OR52N5: variants seen among roughly 807,000 people sequenced by gnomAD.
OR52N5 encodes the protein olfactory receptor family 52 subfamily N member 5.
In OR52N5, 10 loss-of-function variants were observed where a neutral mutation model predicts 14.1. The observed-to-expected ratio is 0.71, with a 90% CI of 0.44 to 1.20. OR52N5 has a LOEUF of 1.20. Among genes scored for constraint, OR52N5 ranks in the 50% most tolerant of loss-of-function variants. The pLI is 0.00. For missense variants in OR52N5, 361 were observed against 403.2 expected (o/e 0.90, Z 0.90); for synonymous variants, 116 against 143.0 (o/e 0.81, Z 1.35).
chr11:5,777,435 T>A lies in OR52N5; in HGVS notation c.*225A>T. The A allele has an allele frequency of 3.3e-6, 1 of 303,430 alleles. No individual in the cohort carries two copies. The highest frequency in any genetic ancestry group is 9.7e-5 in the South Asian group (1 of 10,310). The allele number at this position is 303,430 out of a possible 1,614,324, so 18.8% of individuals were successfully genotyped here. On this transcript the variant is annotated 3_prime_UTR_variant, in exon 3 of 3. Transcript: ENST00000641181. ...TATGTGTCAATTTAAATAAATTGAG[T>A]TAAACTCATTTTTTAAAAACTGGCA...
In OR52N5 at chr11:5,778,762, A is replaced by G. The variant is rs752756511; in HGVS notation, c.-23-105T>C. Reference sequence around the variant, plus strand: ...TTTATAATGGCACCAACAATTATACATAAGTGACTATGAAAATATACAATG... The same window carrying G: ...TTTATAATGGCACCAACAATTATACGTAAGTGACTATGAAAATATACAATG... On this transcript the variant is annotated intron_variant, in intron 2 of 2. Transcript: ENST00000641181. 16 of 587,766 alleles carry G rather than the reference A, an allele frequency of 2.7e-5. 2 individuals carry two copies. The highest frequency in any genetic ancestry group is 5.9e-5 in the African/African-American group (3 of 50,820). 36.4% of individuals were successfully genotyped at this position (587,766 alleles called of 1,614,324 possible). A position where few individuals can be genotyped will look rare whatever the true frequency, so the allele number is the denominator to read the frequency against.
Position 5,777,846 on chromosome 11 carries a change from TG to T in OR52N5, c.788del (p.Pro263GlnfsTer35). The T allele has an allele frequency of 1.3e-6, 2 of 1,519,946 alleles. No individual in the cohort carries two copies. Among genetic ancestry groups the T allele is most frequent in the African/African-American group, 2.8e-5 (2 of 70,292 alleles). The allele number at this position is 1,519,946 out of a possible 1,614,324, so 94.2% of individuals were successfully genotyped here. ...HISAIIITYVPAFFTFFAHRF... is the reference protein window; with the variant it reads ...HISAIIITYVXAFFTFFAHRF... ...GGTGGGCAAAGAAAGTGAAGAATGC[TG>T]GAACATAGGTGATGATGATGGCAGA... On this transcript the variant is annotated frameshift_variant, in exon 3 of 3. Transcript: ENST00000641181. LOFTEE classifies it high-confidence loss of function.
Position 5,778,851 on chromosome 11 carries a change from C to A in OR52N5, c.-23-194G>T, listed in dbSNP as rs1168897766. Among the ~76,000 whole-genome samples the A allele has an allele frequency of 2.1e-5, 3 of 139,830 alleles. 1 individual carries two copies. Among genetic ancestry groups the A allele is most frequent in the Non-Finnish European group, 3.2e-5 (2 of 63,290 alleles). 91.7% of individuals were successfully genotyped at this position (139,830 alleles called of 152,430 possible). ...TTTCATAAACAGTCTAAATGTAATT[C>A]CATAGCCATAAGTAAAAAGTTGTAT... is the stretch of plus-strand genomic sequence containing the variant. On this transcript the variant is annotated intron_variant, in intron 2 of 2. Coordinates refer to ENST00000641181, the MANE Select transcript of OR52N5 (RefSeq NM_001385662.1).
intron 1 of OR52N5, among the ~76,000 whole-genome samples, chr11:5,782,240 G>A (rs1217854849): frequency 1.4e-5 from 2 of 138,828 alleles, no homozygotes; most frequent in Non-Finnish European, 3.2e-5. Flanking sequence ...CTGTATCTGT[G>A]CCAGGCAATG....
Position 5,777,823 on chromosome 11 carries a change from T to C in OR52N5, c.812A>G (p.His271Arg). The C allele has an allele frequency of 1.3e-6, 2 of 1,520,154 alleles. 1 individual carries two copies. The highest frequency in any genetic ancestry group is 3.6e-5 in the Admixed American group (2 of 55,432). The allele number at this position is 1,520,154 out of a possible 1,614,324, so 94.2% of individuals were successfully genotyped here. A position where few individuals can be genotyped will look rare whatever the true frequency, so the allele number is the denominator to read the frequency against. ...YVPAFFTFFA[H>R]RFGGHTIPPS... is the part of the protein sequence containing the mutation. ...GGGAATTGTGTGTCCCCCAAAACGG[T>C]GGGCAAAGAAAGTGAAGAATGCTGG... Residue 271 changes from histidine (H) to arginine (R), a missense_variant, in exon 3 of 3, where the codon CAC becomes CGC. Transcript: ENST00000641181.
chr11:5,776,535 T>C lies in OR52N5; in HGVS notation c.*1125A>G, dbSNP rs1377570594. ...GGAAAATGTTCTATAGGAAAGATTA[T>C]CAACATAGACAAGACACTTAAGGAC... On this transcript the variant is annotated 3_prime_UTR_variant, in exon 3 of 3. Transcript: ENST00000641181. The C allele has an allele frequency of 7.1e-6, 1 of 140,606 alleles. No individual in the cohort carries two copies. The highest frequency in any genetic ancestry group is 2.6e-5 in the African/African-American group (1 of 38,432). 8.7% of individuals were successfully genotyped at this position (140,606 alleles called of 1,614,324 possible).
In OR52N5 at chr11:5,777,998, G is replaced by C. The variant is rs150920127; in HGVS notation, c.637C>G (p.Leu213Val). The C allele has an allele frequency of 5.1e-5, 78 of 1,520,320 alleles. 14 individuals carry two copies. Among genetic ancestry groups the C allele is most frequent in the African/African-American group, 3.3e-4 (23 of 70,366 alleles). 94.2% of individuals were successfully genotyped at this position (1,520,320 alleles called of 1,614,324 possible). The part of the protein sequence containing the change: ...VNVIYGLMVA[L>V]LIGVFDICCI... The stretch of plus-strand genomic sequence containing the variant: ...CAAATGTCAAACACTCCAATCAGGA[G>C]AGCAACCATTAGACCATAGATTACA... The change falls in exon 3 of 3, where the codon CTC becomes GTC. Residue 213 changes from leucine (L) to valine (V), a missense_variant. Leu to Val is a conservative substitution (Grantham distance 32, BLOSUM62 1). Coordinates refer to ENST00000641181, the MANE Select transcript of OR52N5 (RefSeq NM_001385662.1).
At position 5,778,550 on chromosome 11, in the gene OR52N5, C is replaced by G; in HGVS notation, c.85G>C (p.Glu29Gln). Residue 29 changes from glutamate to glutamine, a missense_variant, in exon 3 of 3, where the codon GAA (glutamate) becomes CAA (glutamine). Physicochemically the swap from Glu to Gln is conservative, Grantham distance 29. Coordinates refer to ENST00000641181, the MANE Select transcript of OR52N5 (RefSeq NM_001385662.1). ...SFILNGIPGLERVHVWISLPL... is the reference protein window; with the variant it reads ...SFILNGIPGLQRVHVWISLPL... ...AGGGAGATCCATACATGTACTCTTT[C>G]CAGACCAGGTATTCCATTAAGAATA... 1 of 1,503,616 alleles carries G rather than the reference C, an allele frequency of 6.7e-7. No homozygotes were observed. The allele number at this position is 1,503,616 out of a possible 1,614,324, so 93.1% of individuals were successfully genotyped here.
At chr11:5,779,048 T>C (rs1202317031) in intron 2 of OR52N5, among the ~76,000 whole-genome samples, 1 of 140,576 alleles carries the variant, frequency 7.1e-6, no homozygotes, top group Non-Finnish European at 1.6e-5. Context: ...TATGACAGCA[T>C]GTGAAGCACG....
At chr11:5,779,093 C>T (rs1854528119) in intron 2 of OR52N5, among the ~76,000 whole-genome samples, 1 of 139,852 alleles carries the variant, frequency 7.2e-6, no homozygotes, top group South Asian at 2.3e-4. Context: ...ATGTTGTGTG[C>T]CAATACACAA....
At position 5,781,215 on chromosome 11, in the gene OR52N5, T is replaced by C. The variant is rs188618605; in HGVS notation, c.-24+318A>G. Among the ~76,000 whole-genome samples, 95 of 140,518 alleles carry C rather than the reference T, an allele frequency of 6.8e-4. 15 individuals are homozygous for C. Among genetic ancestry groups the C allele is most frequent in the African/African-American group, 2.4e-3 (92 of 38,484 alleles). 92.2% of individuals were successfully genotyped at this position (140,518 alleles called of 152,430 possible). A position where few individuals can be genotyped will look rare whatever the true frequency, so the allele number is the denominator to read the frequency against. On this transcript the variant is annotated intron_variant, in intron 2 of 2. Transcript: ENST00000641181. Reference sequence around the variant, plus strand: ...TTATTTTCTCATTTGTTTGATTTTGTATTTGTTTTCCTATTTCTTTGTTTT... The same window carrying C: ...TTATTTTCTCATTTGTTTGATTTTGCATTTGTTTTCCTATTTCTTTGTTTT...
chr11:5,783,066 T>C (rs1854560927), intron 1 of OR52N5, among the ~76,000 whole-genome samples: 1 of 139,102 alleles, frequency 7.2e-6, no homozygotes, highest in Admixed American at 7.4e-5. Flanking sequence ...AAAGGAGATT[T>C]TGAGGGCATC....
intron 2 of OR52N5, among the ~76,000 whole-genome samples, chr11:5,779,856 C>T (rs1217724215): frequency 2.9e-5 from 4 of 139,240 alleles, no homozygotes; most frequent in African/African-American, 1.1e-4. Flanking sequence ...TTCTCCACCT[C>T]ATCTTGGATA....
At chr11:5,783,022 G>T (rs1305289329) in intron 1 of OR52N5, among the ~76,000 whole-genome samples, 2 of 138,200 alleles carry the variant, frequency 1.4e-5, no homozygotes, top group Non-Finnish European at 3.2e-5. Flanking sequence ...AAAAGAAGAA[G>T]AATAAATATA....
rs1271494474 is a variant in OR52N5 at position 5,777,852 on chromosome 11, A to G, written c.783T>C (p.Tyr261=). Residue 261 remains tyrosine, a synonymous_variant, in exon 3 of 3, where the codon TAT becomes TAC. Coordinates refer to ENST00000641181, the MANE Select transcript of OR52N5 (RefSeq NM_001385662.1). ...CAAAGAAAGTGAAGAATGCTGGAAC[A>G]TAGGTGATGATGATGGCAGATATAT... ...TAHISAIIIT[Y]VPAFFTFFAH... is the part of the protein sequence containing the mutation. The G allele has an allele frequency of 6.6e-7, 1 of 1,519,748 alleles. No homozygotes were observed. The highest frequency in any genetic ancestry group is 9.0e-7 in the Non-Finnish European group (1 of 1,113,454). The allele number at this position is 1,519,748 out of a possible 1,614,324, so 94.1% of individuals were successfully genotyped here.
chr11:5,781,484 G>T (rs1424496527), intron 2 of OR52N5, 49 bp downstream of exon 2: 3 of 140,420 alleles, frequency 2.1e-5, no homozygotes, highest in African/African-American at 7.8e-5. Context: ...ATTAAAAAAG[G>T]CAACAGAATG....
At chr11:5,782,076 G>A (rs980814906) in intron 1 of OR52N5, among the ~76,000 whole-genome samples, 2 of 140,290 alleles carry the variant, frequency 1.4e-5, no homozygotes, top group Non-Finnish European at 3.2e-5. Context: ...TATCTTTTCT[G>A]TTGTTGCTCT....
chr11:5,777,523 AAAACAGTTTCAG>A lies in OR52N5; in HGVS notation c.*125_*136del. The A allele has an allele frequency of 1.4e-6, 1 of 706,704 alleles. No homozygotes were observed. The highest frequency in any genetic ancestry group is 2.1e-6 in the Non-Finnish European group (1 of 485,778). The allele number at this position is 706,704 out of a possible 1,614,324, so 43.8% of individuals were successfully genotyped here. ...TCCAGAATGGGCTATAAATTTCCCC[AAAACAGTTTCAG>A]AAAACATAGACTGAGAGAGAAAATG... On this transcript the variant is annotated 3_prime_UTR_variant, in exon 3 of 3. Coordinates refer to ENST00000641181, the MANE Select transcript of OR52N5 (RefSeq NM_001385662.1).
chr11:5,777,791 G>T lies in OR52N5; in HGVS notation c.844C>A (p.Leu282Ile), dbSNP rs764044554. 4.6e-6 allele frequency: 7 copies of T among 1,521,066 alleles called. 1 individual carries two copies. In the South Asian group the frequency reaches 8.2e-5, roughly 18 times the overall value. The allele number at this position is 1,521,066 out of a possible 1,614,324, so 94.2% of individuals were successfully genotyped here. A position where few individuals can be genotyped will look rare whatever the true frequency, so the allele number is the denominator to read the frequency against. The change falls in exon 3 of 3, where the codon CTT becomes ATT. Residue 282 changes from leucine to isoleucine, a missense_variant. Leu to Ile is a conservative substitution (Grantham distance 5, BLOSUM62 2). Coordinates refer to ENST00000641181, the MANE Select transcript of OR52N5 (RefSeq NM_001385662.1). The stretch of plus-strand genomic sequence containing the variant: ...TAAAGATTAGCCACAATGATGTGAA[G>T]AGAAGGGGGAATTGTGTGTCCCCCA... Reference protein sequence around the residue: ...RFGGHTIPPSLHIIVANLYLL... With the variant: ...RFGGHTIPPSIHIIVANLYLL...
Sources: allele counts gnomAD v4.1 joint callset (sites outside exome capture counted in the v4.1 genomes callset), GRCh38; gene constraint gnomAD v4.1.1; transcripts MANE v1.5; gene names NCBI Gene and HGNC (gene_info 2026-07-23, HGNC 2026-07-21).